Variants in ADAMTSL1 observed in about 807,000 individuals in gnomAD.
ADAMTSL1 encodes ADAMTS like 1, also known as ADAMTS-like protein 1.
A neutral mutation model predicts 201.8 loss-of-function variants in ADAMTSL1; 126 were observed. That is an observed-to-expected ratio of 0.62 (90% CI 0.54 to 0.72). ADAMTSL1 has a LOEUF of 0.72. ADAMTSL1 is among the 30% of genes least tolerant of loss of function. The probability of loss-of-function intolerance (pLI) is 0.00; values close to 1 mark genes in which losing one functional copy is unlikely to be tolerated. For synonymous variants in ADAMTSL1, 1,121 were observed against 903.4 expected (o/e 1.24, Z -4.32); for missense variants, 2,679 against 2,277.8 (o/e 1.18, Z -3.59).
intron 2 of ADAMTSL1, among the ~76,000 whole-genome samples, chr9:18,188,786 G>C (rs1227241563): frequency 6.6e-6 from 1 of 152,108 alleles, no homozygotes; most frequent in Non-Finnish European, 1.5e-5. Flanking sequence ...GTAATTATCT[G>C]CTTATCTATT....
intron 2 of ADAMTSL1, among the ~76,000 whole-genome samples, chr9:18,315,442 G>A (rs948815306): frequency 3.9e-5 from 6 of 152,054 alleles, no homozygotes; most frequent in South Asian, 2.1e-4. Context: ...GAGTGAGGAG[G>A]GGGGTGGTTC....
At chr9:18,424,824 T>C (rs1279277418) in intron 2 of ADAMTSL1, among the ~76,000 whole-genome samples, 1 of 152,166 alleles carries the variant, frequency 6.6e-6, no homozygotes, top group East Asian at 1.9e-4. Flanking sequence ...CAGCCAGCCT[T>C]TCTGACCCAC....
chr9:18,239,708 A>G (rs754269535), intron 2 of ADAMTSL1, among the ~76,000 whole-genome samples: 2 of 152,200 alleles, frequency 1.3e-5, no homozygotes, highest in Non-Finnish European at 2.9e-5. Flanking sequence ...AGATCATGCC[A>G]CCGCACTCCA....
chr9:17,938,677 A>AT (rs775811117), intron 1 of ADAMTSL1, among the ~76,000 whole-genome samples: 27 of 152,256 alleles, frequency 1.8e-4, no homozygotes, highest in Non-Finnish European at 3.2e-4. Context: ...GTATGAGGAG[A>AT]GATTTCCCAG....
intron 13 of ADAMTSL1, among the ~76,000 whole-genome samples, chr9:18,692,530 C>A (rs1006249604): frequency 2.0e-5 from 3 of 152,060 alleles, no homozygotes; most frequent in African/African-American, 7.2e-5. Flanking sequence ...CCTTGTGTGC[C>A]AAAATAAAGT....
intron 2 of ADAMTSL1, among the ~76,000 whole-genome samples, chr9:18,438,216 G>C (rs946659863): frequency 7.1e-6 from 1 of 140,868 alleles, no homozygotes; most frequent in African/African-American, 2.6e-5. Context: ...GAAAGGAGGG[G>C]GAGAGATGGA....
At chr9:18,242,479 C>A (rs1027854477) in intron 2 of ADAMTSL1, among the ~76,000 whole-genome samples, 1 of 152,034 alleles carries the variant, frequency 6.6e-6, no homozygotes, top group African/African-American at 2.4e-5. Context: ...CTCTTTAATT[C>A]TATTCAACAT....
chr9:18,225,698 G>C (rs189587512), intron 2 of ADAMTSL1, among the ~76,000 whole-genome samples: 3 of 151,994 alleles, frequency 2.0e-5, no homozygotes, highest in Non-Finnish European at 4.4e-5. Context: ...TTGTTCAGAA[G>C]TATTTTTAAT....
At chr9:18,033,122 C>A (rs556749605) in intron 1 of ADAMTSL1, among the ~76,000 whole-genome samples, 1 of 152,182 alleles carries the variant, frequency 6.6e-6, no homozygotes, top group African/African-American at 2.4e-5. Flanking sequence ...TATTTCTGAC[C>A]TCATAGCGTG....
At chr9:18,552,421 T>C (rs1820844148) in intron 3 of ADAMTSL1, among the ~76,000 whole-genome samples, 1 of 151,894 alleles carries the variant, frequency 6.6e-6, no homozygotes, top group African/African-American at 2.4e-5. Context: ...AATTGCATTA[T>C]GATTTTTCCA....
chr9:18,278,701 T>C (rs113458756), intron 2 of ADAMTSL1, among the ~76,000 whole-genome samples: 2,125 of 152,294 alleles, frequency 0.014, 60 homozygotes, highest in African/African-American at 0.049. Flanking sequence ...ATTTTCCACT[T>C]CAGACTTGGG....
At chr9:18,865,493 A>G (rs924582096) in intron 23 of ADAMTSL1, among the ~76,000 whole-genome samples, 2 of 152,206 alleles carry the variant, frequency 1.3e-5, no homozygotes, top group African/African-American at 4.8e-5. Context: ...TAGTGCCTCA[A>G]TAAACATATG....
intron 2 of ADAMTSL1, among the ~76,000 whole-genome samples, chr9:18,327,507 A>C (rs973137718): frequency 3.9e-5 from 6 of 152,174 alleles, no homozygotes; most frequent in African/African-American, 1.4e-4. Flanking sequence ...TTCCCCTCTT[A>C]TCTGTGCAAG....
chr9:18,236,692 A>G (rs2132431197), intron 2 of ADAMTSL1, among the ~76,000 whole-genome samples: 1 of 152,356 alleles, frequency 6.6e-6, no homozygotes, highest in South Asian at 2.1e-4. Context: ...CTATTAAGCT[A>G]ATTTATTTCA....
intron 1 of ADAMTSL1, among the ~76,000 whole-genome samples, chr9:17,991,154 T>A (rs1411253): frequency 0.027 from 4,064 of 152,220 alleles, 81 homozygotes; most frequent in Non-Finnish European, 0.043. Context: ...GTTGAATATG[T>A]CTTAATCACA....
intron 2 of ADAMTSL1, among the ~76,000 whole-genome samples, chr9:18,352,935 C>G (rs904289225): frequency 6.6e-6 from 1 of 152,054 alleles, no homozygotes; most frequent in Admixed American, 6.6e-5. Context: ...CATGACTAAC[C>G]CCATTAGAGG....
intron 1 of ADAMTSL1, among the ~76,000 whole-genome samples, chr9:18,103,806 G>T (rs1278912448): frequency 1.3e-5 from 2 of 152,144 alleles, no homozygotes; most frequent in Non-Finnish European, 2.9e-5. Context: ...ACATCTTCTA[G>T]GCCTTTGTTT....
At chr9:17,908,499 C>A (rs1825809064) in intron 1 of ADAMTSL1, among the ~76,000 whole-genome samples, 1 of 152,096 alleles carries the variant, frequency 6.6e-6, no homozygotes, top group Non-Finnish European at 1.5e-5. Context: ...TCTCGTTGCC[C>A]AGGCTGGAGT....
chr9:18,219,369 T>G (rs1174486022), intron 2 of ADAMTSL1, among the ~76,000 whole-genome samples: 1 of 150,898 alleles, frequency 6.6e-6, no homozygotes, highest in Non-Finnish European at 1.5e-5. Flanking sequence ...ATTTATTTAT[T>G]TATTTATTTA....
Sources: gnomAD v4.1 joint callset for allele counts (sites outside exome capture counted in the v4.1 genomes callset) on GRCh38, gnomAD v4.1.1 for gene constraint, MANE v1.5 for transcripts, NCBI Gene and HGNC (gene_info 2026-07-23, HGNC 2026-07-21) for gene names.